Variants in LIPC observed in about 807,000 individuals in gnomAD.
The protein encoded by LIPC is hepatic triacylglycerol lipase.
Under a neutral mutation model 50.7 loss-of-function variants are expected in LIPC, and 44 were observed. That is an observed-to-expected ratio of 0.87 (90% CI 0.68 to 1.11). LIPC has a LOEUF of 1.11. Among genes scored for constraint, LIPC ranks in the 50% most tolerant of loss-of-function variants. The probability of loss-of-function intolerance (pLI) is 0.00; values close to 1 mark genes in which losing one functional copy is unlikely to be tolerated. For missense variants in LIPC, 697 were observed against 648.2 expected, an observed-to-expected ratio of 1.08 and a Z score of -0.82; for synonymous variants, 271 against 256.4, an observed-to-expected ratio of 1.06 and a Z score of -0.54.
At chr15:58,439,172 T>C (rs1022138288) in intron 1 of LIPC, among the ~76,000 whole-genome samples, 1 of 152,212 alleles carries the variant, frequency 6.6e-6, no homozygotes, top group Non-Finnish European at 1.5e-5. Context: ...GTGTGTGTCC[T>C]GTGATTACAA....
chr15:58,470,970 A>G (rs1471472565), intron 1 of LIPC, among the ~76,000 whole-genome samples: 2 of 152,054 alleles, frequency 1.3e-5, no homozygotes, highest in East Asian at 3.9e-4. Context: ...CTTTCTAGAA[A>G]TGGGTAAGAA....
chr15:58,467,274 C>T (rs1252493516), intron 1 of LIPC, among the ~76,000 whole-genome samples: 1 of 152,280 alleles, frequency 6.6e-6, no homozygotes, highest in Non-Finnish European at 1.5e-5. Context: ...TTGTTCACAG[C>T]GGCCAAAACG....
At chr15:58,504,928 T>C (rs1396193326) in intron 1 of LIPC, among the ~76,000 whole-genome samples, 2 of 152,160 alleles carry the variant, frequency 1.3e-5, no homozygotes, top group Non-Finnish European at 2.9e-5. Context: ...CCTGGTTATG[T>C]AGCACTGGGG....
intron 2 of LIPC, among the ~76,000 whole-genome samples, chr15:58,541,278 T>A (rs1033800099): frequency 1.3e-5 from 2 of 152,030 alleles, no homozygotes; most frequent in Admixed American, 6.5e-5. Context: ...ACAGTGCCCA[T>A]CCCGCTAAGT....
intron 7 of LIPC, among the ~76,000 whole-genome samples, chr15:58,562,993 A>G (rs919741318): frequency 1.3e-5 from 2 of 152,246 alleles, no homozygotes; most frequent in Middle Eastern, 3.2e-3. Flanking sequence ...CAGAGTCTGC[A>G]TTTAAATCTT....
At chr15:58,547,360 C>G (rs1463785454) in intron 5 of LIPC, among the ~76,000 whole-genome samples, 1 of 152,264 alleles carries the variant, frequency 6.6e-6, no homozygotes, top group African/African-American at 2.4e-5. Context: ...AAACAGCGGC[C>G]TCAAGGAGCT....
At chr15:58,481,981 A>C (rs1891204754) in intron 1 of LIPC, among the ~76,000 whole-genome samples, 1 of 152,242 alleles carries the variant, frequency 6.6e-6, no homozygotes, top group Non-Finnish European at 1.5e-5. Context: ...GCAACGGCTG[A>C]CTTGGGGCAG....
intron 1 of LIPC, among the ~76,000 whole-genome samples, chr15:58,432,679 T>A (rs1241918755): frequency 1.3e-5 from 2 of 152,250 alleles, no homozygotes; most frequent in Non-Finnish European, 2.9e-5. Flanking sequence ...CTGTTTTGTT[T>A]GTAAATTCAC....
At chr15:58,559,575 C>T (rs1328859414) in intron 6 of LIPC, among the ~76,000 whole-genome samples, 3 of 152,024 alleles carry the variant, frequency 2.0e-5, no homozygotes, top group African/African-American at 7.3e-5. Flanking sequence ...AACCTGTTTG[C>T]AATCTTGGAG....
chr15:58,498,238 A>G (rs1373429303), intron 1 of LIPC, among the ~76,000 whole-genome samples: 4 of 152,162 alleles, frequency 2.6e-5, no homozygotes, highest in Non-Finnish European at 5.9e-5. Context: ...GGATCCTCGG[A>G]AGGGTTTGTT....
In LIPC at chr15:58,549,748, C is replaced by A. The variant is rs140503145; in HGVS notation, c.1051+1176C>A. On this transcript the variant is annotated intron_variant, in intron 6 of 8. Coordinates refer to ENST00000299022, the MANE Select transcript of LIPC (RefSeq NM_000236.3). ...GAATGACAGAAATTTCTTGTGGGTG[C>A]GCACAGCATCTGAAGAGTAGTTGGT... is the stretch of plus-strand genomic sequence containing the variant. 2.6e-5 allele frequency among the ~76,000 whole-genome samples: 4 copies of A among 152,280 alleles called. No homozygotes were observed. The East Asian group carries it at 7.7e-4, about 29-fold the overall frequency.
At chr15:58,480,146 T>C (rs1891137674) in intron 1 of LIPC, among the ~76,000 whole-genome samples, 1 of 152,216 alleles carries the variant, frequency 6.6e-6, no homozygotes, top group Non-Finnish European at 1.5e-5. Flanking sequence ...CTTGGCCTGG[T>C]GAAATCTTAC....
intron 1 of LIPC, among the ~76,000 whole-genome samples, chr15:58,471,519 A>G (rs1369345769): frequency 6.6e-6 from 1 of 152,182 alleles, no homozygotes; most frequent in Non-Finnish European, 1.5e-5. Context: ...AAGAACTCTA[A>G]GATTACATCA....
chr15:58,523,924 T>C (rs73424689), intron 1 of LIPC, among the ~76,000 whole-genome samples: 6,965 of 152,216 alleles, frequency 0.046, 573 homozygotes, highest in African/African-American at 0.16. Flanking sequence ...AGCCAGAACT[T>C]GTCTCTAAAA....
chr15:58,567,328 T>TACATATATATATATAC (rs1894417380), intron 8 of LIPC, among the ~76,000 whole-genome samples: 2 of 33,056 alleles, frequency 6.1e-5, no homozygotes, highest in Non-Finnish European at 1.3e-4. Flanking sequence ...TATGTGTATA[T>TACATATATATATATAC]ATATATATAT....
rs968057659 is a variant in LIPC at position 58,562,506 on chromosome 15, G to T, written c.1170-999G>T. ...CTGTTACCCACCTGCTCACTCTGAG[G>T]CTCCCCAGCCTCTCTGGCCTCTCAA... On this transcript the variant is annotated intron_variant, in intron 7 of 8. Transcript: ENST00000299022. Among the ~76,000 whole-genome samples, 3 of 152,028 alleles carry T rather than the reference G, an allele frequency of 2.0e-5. No homozygotes were observed. In the East Asian group the frequency reaches 5.8e-4, roughly 29 times the overall value.
chr15:58,492,543 T>C (rs192996776), intron 1 of LIPC, among the ~76,000 whole-genome samples: 1 of 152,262 alleles, frequency 6.6e-6, no homozygotes, highest in African/African-American at 2.4e-5. Context: ...AGAGGCCAAG[T>C]TACCTGCCCA....
rs944316263 is a variant in LIPC, at chr15:58,513,259, C to G, written c.89-25074C>G. Among the ~76,000 whole-genome samples the G allele has an allele frequency of 2.0e-5, 3 of 152,206 alleles. No individual in the cohort carries two copies. The East Asian group carries it at 5.8e-4, about 29-fold the overall frequency. On this transcript the variant is annotated intron_variant, in intron 1 of 8. Coordinates refer to ENST00000299022, the MANE Select transcript of LIPC (RefSeq NM_000236.3). ...ATGACACTCCCTTGATGTGAATTTG[C>G]AGCCTGCCCCATTAACAAGGCTTCA...
intron 1 of LIPC, among the ~76,000 whole-genome samples, chr15:58,529,848 C>T (rs576516821): frequency 2.0e-5 from 3 of 152,220 alleles, no homozygotes; most frequent in Non-Finnish European, 4.4e-5. Context: ...GGAAGGTAGA[C>T]TAGATCATCA....
Sources: allele counts gnomAD v4.1 joint callset (sites outside exome capture counted in the v4.1 genomes callset), GRCh38; gene constraint gnomAD v4.1.1; transcripts MANE v1.5; gene names NCBI Gene and HGNC (gene_info 2026-07-23, HGNC 2026-07-21).